The following TOP1MT variants were observed in gnomAD, a reference collection of about 807,000 sequenced individuals.
TOP1MT encodes the protein DNA topoisomerase I mitochondrial.
Under a neutral mutation model 73.9 loss-of-function variants are expected in TOP1MT, and 80 were observed. The observed-to-expected ratio is 1.08, with a 90% CI of 0.90 to 1.30. The LOEUF is 1.30. Among genes scored for constraint, TOP1MT ranks in the 50% most tolerant of loss-of-function variants. The probability of loss-of-function intolerance (pLI) is 0.00; values close to 1 mark genes in which losing one functional copy is unlikely to be tolerated. For missense variants in TOP1MT, 815 were observed against 808.0 expected, an observed-to-expected ratio of 1.01 and a Z score of -0.10; for synonymous variants, 338 against 326.4, an observed-to-expected ratio of 1.04 and a Z score of -0.38.
chr8:143,336,070 A>C (rs953154375), upstream of TOP1MT, among the ~76,000 whole-genome samples: 1 of 152,238 alleles, frequency 6.6e-6, no homozygotes, highest in African/African-American at 2.4e-5. Flanking sequence ...CCTTTCTACA[A>C]ACCAGAAGAG....
At chr8:143,343,313 T>C (rs1017463344) in intron 1 of TOP1MT, 32 of 455,424 alleles carry the variant, frequency 7.0e-5, no homozygotes, top group African/African-American at 5.4e-4. Flanking sequence ...TACATAAACA[T>C]GCAGCTCTGC....
chr8:143,335,254 T>C (rs1312578394), upstream of TOP1MT, among the ~76,000 whole-genome samples: 1 of 152,172 alleles, frequency 6.6e-6, no homozygotes, highest in Non-Finnish European at 1.5e-5. Flanking sequence ...AGCAGGTCCT[T>C]CCTAAGTACA....
At position 143,321,324 on chromosome 8, in the gene TOP1MT, A is replaced by T. The variant is rs761932589; in HGVS notation, c.1023T>A (p.Cys341Ter). 1 of 1,606,616 alleles carries T rather than the reference A, an allele frequency of 6.2e-7. No individual in the cohort carries two copies. The highest frequency in any genetic ancestry group is 8.5e-7 in the Non-Finnish European group (1 of 1,174,364). Residue 341 changes from cysteine to a stop codon, truncating the protein, a stop_gained, in exon 8 of 14, where the codon TGT becomes TGA. Transcript: ENST00000329245. LOFTEE classifies it high-confidence loss of function. ...GCTGGACGTGCTCCACGCGGAGGGAACAGCAGCCCACGGTGTCGGCCGCCT... is the reference window on the plus strand; with the variant it reads ...GCTGGACGTGCTCCACGCGGAGGGATCAGCAGCCCACGGTGTCGGCCGCCT... ...DGEAADTVGCCSLRVEHVQLH... is the reference protein window; with the variant it reads ...DGEAADTVGC
upstream of TOP1MT, among the ~76,000 whole-genome samples, chr8:143,347,144 C>A (rs1191587258): frequency 6.6e-6 from 1 of 151,668 alleles, no homozygotes; most frequent in Non-Finnish European, 1.5e-5. Flanking sequence ...GCCACCACAC[C>A]CGGCTAATTT....
At chr8:143,319,986 T>C (rs994716605) in intron 8 of TOP1MT, among the ~76,000 whole-genome samples, 15 of 151,622 alleles carry the variant, frequency 9.9e-5, no homozygotes, top group African/African-American at 3.6e-4. Context: ...CAGCTGAGCT[T>C]GGTGGCAGGC....
intron 3 of TOP1MT, 151 bp downstream of exon 3, chr8:143,329,199 C>T (rs549222787): frequency 8.2e-5 from 71 of 862,992 alleles, no homozygotes; most frequent in East Asian, 2.8e-4. Flanking sequence ...CCCAGGAGCT[C>T]GAAGCTGCAA....
At chr8:143,347,205 G>A (rs982473029), upstream of TOP1MT, among the ~76,000 whole-genome samples, 2 of 151,608 alleles carry the variant, frequency 1.3e-5, no homozygotes, top group South Asian at 4.2e-4. Flanking sequence ...CCCAGGCTGG[G>A]GTGCAGTGGC....
upstream of TOP1MT, among the ~76,000 whole-genome samples, chr8:143,357,970 C>T (rs1172104334): frequency 6.6e-6 from 1 of 151,950 alleles, no homozygotes. Context: ...CGCCTGTGGT[C>T]CCAGCTACTG....
rs1817094659 is a variant in TOP1MT, at chr8:143,341,967, C to T, written c.29+1253G>A. The stretch of plus-strand genomic sequence containing the variant: ...GCTCTGTTATTATTATTATTAGAGA[C>T]AGAGTCTCGCTGTTATTATTATTAT... On this transcript the variant is annotated intron_variant, in intron 2 of 5. Coordinates refer to the TOP1MT transcript ENST00000518007. The surrounding 1 kb of genome is among the most constrained non-coding windows in gnomAD (Gnocchi z 4.1). Among the ~76,000 whole-genome samples the T allele has an allele frequency of 8.2e-6, 1 of 121,586 alleles. No individual in the cohort carries two copies. 79.8% of individuals were successfully genotyped at this position (121,586 alleles called of 152,430 possible).
At chr8:143,328,054 G>A (rs1012937793) in intron 3 of TOP1MT, 4 of 347,486 alleles carry the variant, frequency 1.2e-5, no homozygotes, top group African/African-American at 8.6e-5. Context: ...TGAAACGTGG[G>A]ACCTCATCAG....
chr8:143,329,288 G>A, intron 3 of TOP1MT, 62 bp downstream of exon 3: 2 of 1,509,328 alleles, frequency 1.3e-6, no homozygotes, highest in Non-Finnish European at 1.8e-6. Context: ...CAGCACTGCA[G>A]AACCGCAGAC....
At chr8:143,315,416 T>G (rs1816130020) in intron 12 of TOP1MT, among the ~76,000 whole-genome samples, 1 of 152,172 alleles carries the variant, frequency 6.6e-6, no homozygotes, top group Admixed American at 6.5e-5. Context: ...AGTGGACATG[T>G]GACCCACGTG....
chr8:143,317,726 G>A lies in TOP1MT; in HGVS notation c.1327C>T (p.Arg443Cys), dbSNP rs776857154. The A allele has an allele frequency of 1.3e-5, 21 of 1,613,120 alleles. No individual in the cohort carries two copies. In the Admixed American group the frequency reaches 1.3e-4, roughly 10 times the overall value. ...TGTGGGTGTGGGGCAGGCTCACCGC[G>A]CGTCAGGGCCCGCAGCTGCTCCTGC... ...TLQEQLRALT[R>C]AEDSIAAKIL... The change falls in exon 10 of 14, where the codon CGC (arginine) becomes TGC (cysteine). Residue 443 changes from arginine (R) to cysteine (C), a missense_variant. By Grantham distance (180) the Arg-to-Cys change is radical. Around this residue, in one of 3 missense-constraint regions of TOP1MT, gnomAD observed 751 missense variants for 725.4 expected, o/e 1.04. Transcript: ENST00000329245.
upstream of TOP1MT, among the ~76,000 whole-genome samples, chr8:143,345,319 C>T (rs1022004089): frequency 6.6e-6 from 1 of 150,580 alleles, no homozygotes; most frequent in African/African-American, 2.5e-5. Flanking sequence ...TGGCAGAGCC[C>T]TGCAGGAGGC....
intron 12 of TOP1MT, among the ~76,000 whole-genome samples, chr8:143,314,831 T>C (rs1055352286): frequency 6.6e-6 from 1 of 152,176 alleles, no homozygotes; most frequent in African/African-American, 2.4e-5. Flanking sequence ...TGGTAGCAAT[T>C]ACTCTTTTTT....
intron 8 of TOP1MT, 22 bp downstream of exon 8, chr8:143,321,179 C>A (rs768260371): frequency 6.4e-7 from 1 of 1,557,044 alleles, no homozygotes; most frequent in East Asian, 2.4e-5. Context: ...ATAGCGGGGG[C>A]AGCTGGCGCG....
intron 7 of TOP1MT, 137 bp from the exon 8 acceptor site, chr8:143,321,523 C>T (rs530162182): frequency 1.9e-5 from 13 of 695,928 alleles, no homozygotes; most frequent in East Asian, 2.9e-5. Flanking sequence ...ACTCCACACA[C>T]GCACGCCACA....
Position 143,310,162 on chromosome 8 carries a change from G to C in TOP1MT, c.1609C>G (p.Leu537Val). 2 of 1,607,226 alleles carry C rather than the reference G, an allele frequency of 1.2e-6. No individual in the cohort carries two copies. The highest frequency in any genetic ancestry group is 1.7e-6 in the Non-Finnish European group (2 of 1,176,956). The change falls in exon 13 of 14, where the codon CTG becomes GTG. Residue 537 changes from leucine to valine, a missense_variant. Coordinates refer to ENST00000329245, the MANE Select transcript of TOP1MT (RefSeq NM_052963.3). ...LEKLQEQLAQ[L>V]SVQATDKEEN... Reference sequence around the variant, plus strand: ...TCCTTGTCCGTGGCCTGCACACTCAGCTGCGCCAGCTGCTCCTGCAGCTTC... The same window carrying C: ...TCCTTGTCCGTGGCCTGCACACTCACCTGCGCCAGCTGCTCCTGCAGCTTC...
intron 1 of TOP1MT, among the ~76,000 whole-genome samples, chr8:143,351,573 C>T (rs1370678876): frequency 7.0e-6 from 1 of 142,950 alleles, no homozygotes; most frequent in Non-Finnish European, 1.5e-5. Flanking sequence ...GAGTGAGACC[C>T]AGTCTCAAAA....
Sources: gnomAD v4.1 joint callset for allele counts (sites outside exome capture counted in the v4.1 genomes callset) on GRCh38, gnomAD v4.1.1 for gene constraint, gnomAD v4.1.1 regional missense constraint, Gnocchi (gnomAD v3.1) non-coding constraint, MANE v1.5 for transcripts, NCBI Gene and HGNC (gene_info 2026-07-23, HGNC 2026-07-21) for gene names.